The following NKAIN3 variants were observed in gnomAD, a reference collection of about 807,000 sequenced individuals.
The protein encoded by NKAIN3 is sodium/potassium-transporting ATPase subunit beta-1-interacting protein 3.
In NKAIN3, 25 loss-of-function variants were observed where a neutral mutation model predicts 30.2. The ratio of observed to expected loss-of-function variants is 0.83; its 90% confidence interval spans 0.60 to 1.16. NKAIN3 has a LOEUF of 1.16. Among genes scored for constraint, NKAIN3 ranks in the 50% most tolerant of loss-of-function variants. The pLI is 0.00. For synonymous variants in NKAIN3, 91 were observed against 89.6 expected, an observed-to-expected ratio of 1.02 and a Z score of -0.09; for missense variants, 225 against 254.1, an observed-to-expected ratio of 0.89 and a Z score of 0.78.
At chr8:62,867,111 A>G (rs1481737641) in intron 4 of NKAIN3, among the ~76,000 whole-genome samples, 5 of 151,858 alleles carry the variant, frequency 3.3e-5, no homozygotes, top group East Asian at 1.9e-4. Context: ...AAAAAAAAAA[A>G]AAAAGAAAAG....
Position 62,248,952 on chromosome 8 carries a change from G to T in NKAIN3, c.-122G>T. 1.2e-6 allele frequency: 1 copy of T among 859,726 alleles called. No individual in the cohort carries two copies. Among genetic ancestry groups the T allele is most frequent in the Non-Finnish European group, 1.7e-6 (1 of 587,238 alleles). The allele number at this position is 859,726 out of a possible 1,614,324, so 53.3% of individuals were successfully genotyped here. A position where few individuals can be genotyped will look rare whatever the true frequency, so the allele number is the denominator to read the frequency against. ...AGCCCCGAGCCCTGGAGCCGCGAGC[G>T]GCGGCCGCGGGGCCGAGGAGCCTGG... On this transcript the variant is annotated 5_prime_UTR_variant, in exon 1 of 7. Transcript: ENST00000623646.
chr8:62,998,946 A>C (rs1450153599), intron 5 of NKAIN3, among the ~76,000 whole-genome samples: 1 of 152,126 alleles, frequency 6.6e-6, no homozygotes, highest in Non-Finnish European at 1.5e-5. Context: ...TTGTGATTTT[A>C]ATTTGCATTT....
chr8:62,733,261 AT>A (rs2130549352), intron 3 of NKAIN3, among the ~76,000 whole-genome samples: 1 of 152,174 alleles, frequency 6.6e-6, no homozygotes, highest in South Asian at 2.1e-4. Context: ...TAAGTTAGGC[AT>A]TATTTTTGTC....
intron 1 of NKAIN3, among the ~76,000 whole-genome samples, chr8:62,444,969 CAG>C (rs1805436204): frequency 1.3e-5 from 2 of 151,650 alleles, no homozygotes; most frequent in Admixed American, 6.6e-5. Flanking sequence ...TTTTTTTTGA[CAG>C]AGTCTCGCTC....
intron 4 of NKAIN3, among the ~76,000 whole-genome samples, chr8:62,807,058 G>A (rs767119602): frequency 2.6e-5 from 4 of 152,002 alleles, no homozygotes; most frequent in East Asian, 1.9e-4. Context: ...TGTACATCAC[G>A]TATTTAGTTT....
intron 4 of NKAIN3, among the ~76,000 whole-genome samples, chr8:62,910,252 G>C (rs547882150): frequency 6.6e-6 from 1 of 151,962 alleles, no homozygotes; most frequent in African/African-American, 2.4e-5. Context: ...TTATAAGAAA[G>C]AAATATAAGT....
At chr8:62,389,396 A>T (rs757708901) in intron 1 of NKAIN3, among the ~76,000 whole-genome samples, 1 of 152,092 alleles carries the variant, frequency 6.6e-6, no homozygotes, top group Non-Finnish European at 1.5e-5. Flanking sequence ...AGAGCAAAGG[A>T]GGTGCTGGAA....
intron 1 of NKAIN3, among the ~76,000 whole-genome samples, chr8:62,467,788 C>A (rs1429437981): frequency 6.6e-6 from 1 of 151,904 alleles, no homozygotes; most frequent in Non-Finnish European, 1.5e-5. Flanking sequence ...ATTTTTGAGA[C>A]AAGGTTTCAC....
At chr8:62,802,723 C>T (rs1818114572) in intron 4 of NKAIN3, among the ~76,000 whole-genome samples, 1 of 152,102 alleles carries the variant, frequency 6.6e-6, no homozygotes, top group African/African-American at 2.4e-5. Context: ...GCAAAATAAC[C>T]AGCTAACATC....
At chr8:62,455,962 A>C (rs773053085) in intron 1 of NKAIN3, among the ~76,000 whole-genome samples, 3 of 152,210 alleles carry the variant, frequency 2.0e-5, no homozygotes, top group Non-Finnish European at 4.4e-5. Context: ...GATAACAGAC[A>C]TGGCTACTAT....
At chr8:62,453,352 C>T (rs1365051020) in intron 1 of NKAIN3, among the ~76,000 whole-genome samples, 3 of 152,020 alleles carry the variant, frequency 2.0e-5, no homozygotes, top group African/African-American at 7.2e-5. Flanking sequence ...AAAGATACAA[C>T]ATATCAAAAT....
intron 1 of NKAIN3, among the ~76,000 whole-genome samples, chr8:62,318,524 A>G (rs1361608797): frequency 1.3e-5 from 2 of 152,160 alleles, no homozygotes; most frequent in Non-Finnish European, 2.9e-5. Context: ...TGAAGTTGTC[A>G]AAGGCCTTTT....
intron 3 of NKAIN3, among the ~76,000 whole-genome samples, chr8:62,733,438 C>T (rs892191512): frequency 1.2e-4 from 18 of 152,028 alleles, no homozygotes; most frequent in Admixed American, 1.1e-3. Flanking sequence ...TATATCTATA[C>T]GTATATATTT....
At chr8:62,685,013 G>C (rs138509699) in intron 3 of NKAIN3, among the ~76,000 whole-genome samples, 6 of 152,090 alleles carry the variant, frequency 3.9e-5, no homozygotes, top group Non-Finnish European at 7.4e-5. Context: ...TAAGAGACTC[G>C]CATAGTCAGG....
At chr8:62,451,844 A>T (rs1317291394) in intron 1 of NKAIN3, among the ~76,000 whole-genome samples, 1 of 152,208 alleles carries the variant, frequency 6.6e-6, no homozygotes, top group Non-Finnish European at 1.5e-5. Context: ...ATGACCTTTT[A>T]TTTGGTAGGC....
chr8:62,297,872 A>G (rs1161376924), intron 1 of NKAIN3, among the ~76,000 whole-genome samples: 1 of 152,210 alleles, frequency 6.6e-6, no homozygotes, highest in Non-Finnish European at 1.5e-5. Context: ...ACACATGCAC[A>G]TGTATGTTTA....
At chr8:62,375,324 TG>T (rs1817039046) in intron 1 of NKAIN3, among the ~76,000 whole-genome samples, 1 of 152,192 alleles carries the variant, frequency 6.6e-6, no homozygotes, top group African/African-American at 2.4e-5. Flanking sequence ...GTATCAATAT[TG>T]ATAAGCACTG....
chr8:62,298,750 G>A (rs1251489232), intron 1 of NKAIN3, among the ~76,000 whole-genome samples: 1 of 151,822 alleles, frequency 6.6e-6, no homozygotes, highest in East Asian at 1.9e-4. Flanking sequence ...TCCAGCTGTA[G>A]ATCTTGTTTT....
chr8:62,495,631 T>C (rs969373660), intron 1 of NKAIN3, among the ~76,000 whole-genome samples: 38 of 151,646 alleles, frequency 2.5e-4, no homozygotes, highest in African/African-American at 8.9e-4. Flanking sequence ...AGATGTTTAA[T>C]AAATAAAACA....
Sources: gnomAD v4.1 joint callset for allele counts (sites outside exome capture counted in the v4.1 genomes callset) on GRCh38, gnomAD v4.1.1 for gene constraint, MANE v1.5 for transcripts, NCBI Gene and HGNC (gene_info 2026-07-23, HGNC 2026-07-21) for gene names.